BTD: variants seen among roughly 807,000 people sequenced by gnomAD.
The protein encoded by BTD is biocytinase.
A neutral mutation model predicts 17.7 loss-of-function variants in BTD; 13 were observed. That is an observed-to-expected ratio of 0.74 (90% CI 0.48 to 1.17). The LOEUF (loss-of-function observed/expected upper bound fraction) is 1.17. Among genes scored for constraint, BTD ranks in the 50% most tolerant of loss-of-function variants. The pLI, the probability that BTD is intolerant of heterozygous loss-of-function variation, is 0.00. For synonymous variants in BTD, 240 were observed against 245.2 expected (o/e 0.98, Z 0.20); for missense variants, 674 against 650.4 (o/e 1.04, Z -0.39).
chr3:15,606,826 A>G (rs1028857339), intron 1 of BTD: 2 of 152,214 alleles, frequency 1.3e-5, no homozygotes, highest in Admixed American at 1.3e-4. Context: ...TCCAATTGTA[A>G]TTACAGCCAG....
At chr3:15,603,682 AAAAT>A (rs903913791) in intron 1 of BTD, among the ~76,000 whole-genome samples, 3 of 152,180 alleles carry the variant, frequency 2.0e-5, no homozygotes, top group East Asian at 1.9e-4. Context: ...ATTAAATTTA[AAAAT>A]AAATAAATAA....
chr3:15,614,008 T>C (rs2064714467), intron 1 of BTD, among the ~76,000 whole-genome samples: 1 of 152,088 alleles, frequency 6.6e-6, no homozygotes, highest in Non-Finnish European at 1.5e-5. Context: ...TTCTTTTTGG[T>C]TGTCTTGAAT....
intron 3 of BTD, chr3:15,689,760 G>T: frequency 3.1e-6 from 1 of 320,664 alleles, no homozygotes; most frequent in Middle Eastern, 9.1e-4. Flanking sequence ...TTTGTGCTTG[G>T]TTTACTTGGG....
chr3:15,660,650 T>C (rs1384006659), intron 3 of BTD, among the ~76,000 whole-genome samples: 1 of 152,244 alleles, frequency 6.6e-6, no homozygotes, highest in African/African-American at 2.4e-5. Context: ...TAGTTATAGA[T>C]TTGGAAAATA....
rs375403640 is a variant in BTD, at chr3:15,692,731, A to C, written c.400-17329A>C. Among the ~76,000 whole-genome samples the C allele has an allele frequency of 3.3e-5, 5 of 152,340 alleles. No individual in the cohort carries two copies. The South Asian group carries it at 6.2e-4, about 19-fold the overall frequency. On this transcript the variant is annotated intron_variant, in intron 3 of 3. Coordinates refer to the BTD transcript ENST00000672141. ...TCCTAGAGATAGATATGAAATGCAA[A>C]AGTGGTGGTATAATCATATTTCATT...
intron 1 of BTD, among the ~76,000 whole-genome samples, chr3:15,615,000 A>T (rs1039053723): frequency 6.6e-6 from 1 of 152,072 alleles, no homozygotes; most frequent in African/African-American, 2.4e-5. Context: ...CTTCCATCTG[A>T]AGTTGTTGGG....
In BTD at chr3:15,650,437, CAA is replaced by C. The variant is rs3048217; in HGVS notation, c.*4960_*4961del. ...CTTCATCTTTTTCTTTTTGTTTGAG[CAA>C]AAAAAAAAAAGAATATATTAACTCG... is the stretch of plus-strand genomic sequence containing the variant. On this transcript the variant is annotated 3_prime_UTR_variant, in exon 4 of 4. Transcript: ENST00000643237. Among the ~76,000 whole-genome samples, 82,791 of 149,928 alleles carry C rather than the reference CAA, an allele frequency of 0.55. 24,038 individuals are homozygous for C. The highest frequency in any genetic ancestry group is 0.7 in the Middle Eastern group (203 of 292).
At chr3:15,606,716 A>G (rs2125335614) in intron 1 of BTD, 1 of 152,356 alleles carries the variant, frequency 6.6e-6, no homozygotes, top group Non-Finnish European at 1.5e-5. Context: ...TTCAGGATGC[A>G]GTGTTCAATT....
intron 3 of BTD, chr3:15,684,261 C>G (rs1162419205): frequency 1.3e-5 from 2 of 152,164 alleles, no homozygotes; most frequent in African/African-American, 4.8e-5. Context: ...GCATTTTTAA[C>G]ATCTATAACT....
chr3:15,621,191 TCTC>T (rs2064942483), intron 1 of BTD, among the ~76,000 whole-genome samples: 2 of 152,190 alleles, frequency 1.3e-5, no homozygotes, highest in Admixed American at 1.3e-4. Flanking sequence ...CACACACTCA[TCTC>T]CTCATGCTGA....
downstream of BTD, among the ~76,000 whole-genome samples, chr3:15,717,342 T>C (rs1398492636): frequency 6.6e-6 from 1 of 152,046 alleles, no homozygotes; most frequent in East Asian, 1.9e-4. Context: ...TACATACTGA[T>C]AATAAAACCT....
chr3:15,624,034 C>T (rs1574996240), intron 1 of BTD, among the ~76,000 whole-genome samples: 1 of 152,186 alleles, frequency 6.6e-6, no homozygotes. Context: ...AAATATTTCA[C>T]ATCACTGTCT....
At chr3:15,677,095 C>A in intron 3 of BTD, 1 of 1,523,076 alleles carries the variant, frequency 6.6e-7, no homozygotes, top group Non-Finnish European at 9.1e-7. Flanking sequence ...ACTTGAGCAC[C>A]ATTAAAGATA....
At chr3:15,713,449 T>G, downstream of BTD, 2 of 1,085,880 alleles carry the variant, frequency 1.8e-6, no homozygotes, top group Non-Finnish European at 2.7e-6. Context: ...CATTTCCACG[T>G]GAAATGTCTA....
At position 15,695,173 on chromosome 3, in the gene BTD, T is replaced by C. The variant is rs73817066; in HGVS notation, c.400-14887T>C. The C allele has an allele frequency of 8.7e-5, 139 of 1,589,384 alleles. 2 individuals are homozygous for C. The South Asian group carries it at 1.0e-3, about 12-fold the overall frequency. On this transcript the variant is annotated intron_variant, in intron 3 of 3. Coordinates refer to the BTD transcript ENST00000672141. The stretch of plus-strand genomic sequence containing the variant: ...ACCAATACTAATTGGTGGGAGGGAA[T>C]TGACTAATACTTACAACATCTAGAG...
downstream of BTD, among the ~76,000 whole-genome samples, chr3:15,716,535 TG>T (rs1038685633): frequency 1.8e-4 from 28 of 152,072 alleles, no homozygotes. Flanking sequence ...TCTCCAGCCT[TG>T]GCTTCCCAAA....
At chr3:15,643,464 G>C (rs535498320) in intron 3 of BTD, among the ~76,000 whole-genome samples, 8 of 152,092 alleles carry the variant, frequency 5.3e-5, no homozygotes, top group Non-Finnish European at 1.0e-4. Context: ...TTGTGCCACT[G>C]CACTCCAGCC....
chr3:15,721,031 T>C, intron 4 of BTD: 1 of 1,613,930 alleles, frequency 6.2e-7, no homozygotes. Flanking sequence ...TGATTCACAA[T>C]AGCACCACAG....
At chr3:15,601,661 C>T, upstream of BTD, 2 of 1,553,450 alleles carry the variant, frequency 1.3e-6, no homozygotes, top group Non-Finnish European at 1.7e-6. Context: ...AGAATGTAAA[C>T]ACGCGCGTTC....
Sources: allele counts gnomAD v4.1 joint callset (sites outside exome capture counted in the v4.1 genomes callset), GRCh38; gene constraint gnomAD v4.1.1; transcripts MANE v1.5; gene names NCBI Gene and HGNC (gene_info 2026-07-23, HGNC 2026-07-21).